The following PLCB4 variants were observed in gnomAD, a reference collection of about 807,000 sequenced individuals.
The protein encoded by PLCB4 is 1-phosphatidylinositol 4,5-bisphosphate phosphodiesterase beta-4.
Under a neutral mutation model 178.8 loss-of-function variants are expected in PLCB4, and 77 were observed. That is an observed-to-expected ratio of 0.43 (90% CI 0.36 to 0.52). The LOEUF (loss-of-function observed/expected upper bound fraction) is 0.52. Among genes scored for constraint, PLCB4 ranks in the 20% least tolerant of loss-of-function variants. PLCB4 has a pLI of 0.00. For synonymous variants in PLCB4, 496 were observed against 490.8 expected (o/e 1.01, Z -0.14); for missense variants, 1,024 against 1,453.4 (o/e 0.70, Z 4.80).
intron 38 of PLCB4, among the ~76,000 whole-genome samples, chr20:9,475,884 A>G (rs991293162): frequency 1.3e-5 from 2 of 152,236 alleles, no homozygotes; most frequent in Non-Finnish European, 2.9e-5. Context: ...CCAGGTAAAC[A>G]TTTCATCAGC....
At chr20:9,130,913 ATTC>A (rs772363748) in intron 2 of PLCB4, among the ~76,000 whole-genome samples, 2 of 152,208 alleles carry the variant, frequency 1.3e-5, no homozygotes, top group Non-Finnish European at 2.9e-5. Flanking sequence ...AATGAAGTCC[ATTC>A]TTCTTTGTGA....
intron 2 of PLCB4, among the ~76,000 whole-genome samples, chr20:9,213,448 G>T (rs903743275): frequency 6.6e-6 from 1 of 152,174 alleles, no homozygotes; most frequent in Non-Finnish European, 1.5e-5. Context: ...CCCAGCCAGC[G>T]TAATGTTTCT....
chr20:9,295,396 C>G (rs1193347058), intron 3 of PLCB4, among the ~76,000 whole-genome samples: 1 of 152,136 alleles, frequency 6.6e-6, no homozygotes, highest in Non-Finnish European at 1.5e-5. Context: ...TGCTACTATA[C>G]AGTCTTTCAT....
intron 34 of PLCB4, among the ~76,000 whole-genome samples, chr20:9,459,076 G>T (rs550515104): frequency 2.9e-4 from 44 of 152,366 alleles, no homozygotes; most frequent in African/African-American, 1.1e-3. Context: ...GAGTGTGGTG[G>T]CTCACGCCTG....
intron 3 of PLCB4, among the ~76,000 whole-genome samples, chr20:9,282,190 C>T (rs577145857): frequency 2.6e-5 from 4 of 152,096 alleles, no homozygotes; most frequent in African/African-American, 9.6e-5. Flanking sequence ...GCATTCCTTT[C>T]CTCATTCAGT....
At chr20:9,272,572 A>G (rs1261999766) in intron 3 of PLCB4, among the ~76,000 whole-genome samples, 1 of 152,014 alleles carries the variant, frequency 6.6e-6, no homozygotes, top group Non-Finnish European at 1.5e-5. Flanking sequence ...CCTGGACAAT[A>G]TTGCTTTAGC....
intron 1 of PLCB4, among the ~76,000 whole-genome samples, chr20:9,086,951 C>T (rs960334261): frequency 1.3e-5 from 2 of 152,122 alleles, no homozygotes; most frequent in South Asian, 4.1e-4. Context: ...CTCTAGTAAT[C>T]CTCTGTGTGG....
At chr20:9,316,722 A>G (rs2094903340) in intron 4 of PLCB4, among the ~76,000 whole-genome samples, 1 of 152,208 alleles carries the variant, frequency 6.6e-6, no homozygotes, top group Non-Finnish European at 1.5e-5. Flanking sequence ...AAGGCCAGGC[A>G]TCTGAGCACC....
chr20:9,465,448 A>G (rs185737189), intron 35 of PLCB4, among the ~76,000 whole-genome samples: 2 of 152,344 alleles, frequency 1.3e-5, no homozygotes, highest in East Asian at 3.9e-4. Context: ...ATCAGGCAAG[A>G]GAAAGAAATA....
At chr20:9,339,182 A>T in intron 7 of PLCB4, 145 bp downstream of exon 7, 1 of 702,392 alleles carries the variant, frequency 1.4e-6, no homozygotes, top group East Asian at 2.8e-5. Flanking sequence ...TTCTGTAGAA[A>T]ATCAGCAATT....
chr20:9,280,322 A>G, intron 3 of PLCB4: 1 of 283,352 alleles, frequency 3.5e-6, no homozygotes, highest in Non-Finnish European at 5.3e-6. Context: ...CGGAATTTTG[A>G]TTGTGGGTAA....
intron 1 of PLCB4, among the ~76,000 whole-genome samples, chr20:9,084,926 G>A (rs191544364): frequency 9.2e-5 from 14 of 151,970 alleles, no homozygotes; most frequent in Non-Finnish European, 1.9e-4. Flanking sequence ...GGTGGCGTGC[G>A]CCTGTTGTCC....
rs57418457 is a variant in PLCB4, at chr20:9,474,607, C to A, written c.3495+1242C>A. Among the ~76,000 whole-genome samples, 254 of 152,096 alleles carry A rather than the reference C, an allele frequency of 1.7e-3. 3 individuals are homozygous for A. The East Asian group carries it at 0.045, about 27-fold the overall frequency. ...ATCCTATTTAAGGAATACTTTTTTCCAGAGTAAATGACTCCCCTTGAAGAA... is the reference window on the plus strand; with the variant it reads ...ATCCTATTTAAGGAATACTTTTTTCAAGAGTAAATGACTCCCCTTGAAGAA... On this transcript the variant is annotated intron_variant, in intron 38 of 39. Coordinates refer to ENST00000378473, the MANE Select transcript of PLCB4 (RefSeq NM_001377142.1).
intron 3 of PLCB4, among the ~76,000 whole-genome samples, chr20:9,231,489 G>T (rs2093931611): frequency 6.6e-6 from 1 of 152,076 alleles, no homozygotes; most frequent in South Asian, 2.1e-4. Context: ...TCCACATGGG[G>T]CTCTGTTAAG....
chr20:9,435,127 G>C (rs147671465), intron 28 of PLCB4, among the ~76,000 whole-genome samples: 24 of 152,268 alleles, frequency 1.6e-4, no homozygotes, highest in Non-Finnish European at 2.6e-4. Flanking sequence ...GGTACTTTTT[G>C]TGTTCATCAT....
intron 2 of PLCB4, among the ~76,000 whole-genome samples, chr20:9,169,423 TAAA>T (rs5840310): frequency 2.9e-5 from 4 of 136,470 alleles, no homozygotes; most frequent in Non-Finnish European, 4.7e-5. Context: ...CCCCATCTCT[TAAA>T]AAAAAAAAAA....
intron 3 of PLCB4, among the ~76,000 whole-genome samples, chr20:9,267,694 GTGTCAGTGCTA>G (rs906385723): frequency 1.3e-4 from 20 of 152,204 alleles, no homozygotes; most frequent in African/African-American, 4.3e-4. Flanking sequence ...TTAACCTTCA[GTGTCAGTGCTA>G]TAATTTGCAT....
At chr20:9,150,175 A>ATAAGATGTATAAT (rs1195012109) in intron 2 of PLCB4, among the ~76,000 whole-genome samples, 1 of 152,228 alleles carries the variant, frequency 6.6e-6, no homozygotes, top group Non-Finnish European at 1.5e-5. Context: ...AGATAAATAC[A>ATAAGATGTATAAT]GTGATTAAAC....
intron 3 of PLCB4, among the ~76,000 whole-genome samples, chr20:9,276,999 T>C (rs1305556567): frequency 6.6e-6 from 1 of 152,022 alleles, no homozygotes; most frequent in Non-Finnish European, 1.5e-5. Flanking sequence ...AACTGCTGAA[T>C]CAGACTGGTC....
Sources: allele counts gnomAD v4.1 joint callset (sites outside exome capture counted in the v4.1 genomes callset), GRCh38; gene constraint gnomAD v4.1.1; transcripts MANE v1.5; gene names NCBI Gene and HGNC (gene_info 2026-07-23, HGNC 2026-07-21).